The following IQSEC1 variants were observed in gnomAD, a reference collection of about 807,000 sequenced individuals.
IQSEC1 encodes the protein IQ motif and SEC7 domain-containing protein 1.
Under a neutral mutation model 91.0 loss-of-function variants are expected in IQSEC1, and 31 were observed. The ratio of observed to expected loss-of-function variants is 0.34; its 90% CI spans 0.26 to 0.46. IQSEC1 has a LOEUF of 0.46. Among genes scored for constraint, IQSEC1 ranks in the 20% least tolerant of loss-of-function variants. The probability of loss-of-function intolerance (pLI) is 1.00; values close to 1 mark genes in which losing one functional copy is unlikely to be tolerated. For synonymous variants in IQSEC1, 699 were observed against 662.6 expected (o/e 1.05, Z -0.84); for missense variants, 1,388 against 1,575.6 (o/e 0.88, Z 2.02).
At chr3:13,177,403 G>A (rs1693752444) in intron 1 of IQSEC1, among the ~76,000 whole-genome samples, 1 of 152,176 alleles carries the variant, frequency 6.6e-6, no homozygotes, top group African/African-American at 2.4e-5. Context: ...GTGCACAACT[G>A]CCCAGAAAAG....
chr3:13,059,524 G>A (rs1175693575), intron 1 of IQSEC1, among the ~76,000 whole-genome samples: 1 of 152,228 alleles, frequency 6.6e-6, no homozygotes, highest in Non-Finnish European at 1.5e-5. Context: ...TCAGGAGGCT[G>A]AGGCAGGAGG....
At chr3:13,047,615 T>C in intron 1 of IQSEC1, 1 of 589,144 alleles carries the variant, frequency 1.7e-6, no homozygotes, top group Non-Finnish European at 2.1e-6. Flanking sequence ...CAGCAGGTGG[T>C]CCCAGGACAG....
At chr3:13,104,758 A>G (rs1706119439) in intron 2 of IQSEC1, among the ~76,000 whole-genome samples, 1 of 152,046 alleles carries the variant, frequency 6.6e-6, no homozygotes, top group South Asian at 2.1e-4. Context: ...CGCTAACCCA[A>G]CAACCAACTA....
chr3:13,145,894 C>T (rs577823469), intron 2 of IQSEC1, among the ~76,000 whole-genome samples: 13 of 151,222 alleles, frequency 8.6e-5, no homozygotes, highest in Non-Finnish European at 1.9e-4. Context: ...GTGGGGCAGG[C>T]AGGCAACATG....
At chr3:13,194,620 C>T (rs779049099) in intron 1 of IQSEC1, among the ~76,000 whole-genome samples, 2 of 152,138 alleles carry the variant, frequency 1.3e-5, no homozygotes, top group East Asian at 1.9e-4. Flanking sequence ...ACCTATGATC[C>T]GAGTTGGAGG....
chr3:12,949,699 A>G (rs1003700421), intron 1 of IQSEC1, among the ~76,000 whole-genome samples: 1 of 152,134 alleles, frequency 6.6e-6, no homozygotes, highest in Non-Finnish European at 1.5e-5. Context: ...CTTGTTCTGC[A>G]CAGGGCTATC....
At chr3:13,256,784 C>T (rs1157150128) in intron 1 of IQSEC1, among the ~76,000 whole-genome samples, 1 of 152,178 alleles carries the variant, frequency 6.6e-6, no homozygotes, top group Non-Finnish European at 1.5e-5. Context: ...TGGCAAACAC[C>T]ATGGAGAGAC....
rs535545726 is a variant in IQSEC1, at chr3:13,213,275, A to G, written c.273-49142T>C. Among the ~76,000 whole-genome samples the G allele has an allele frequency of 3.0e-4, 45 of 152,386 alleles. 1 individual carries two copies. The highest frequency in any genetic ancestry group is 9.9e-4 in the African/African-American group (41 of 41,592). Reference sequence around the variant, plus strand: ...TTAAAAGTGGATATCTAATTGTGCCAGCAGCATTTGTTGAGGAGGCTGTTC... The same window carrying G: ...TTAAAAGTGGATATCTAATTGTGCCGGCAGCATTTGTTGAGGAGGCTGTTC... On this transcript the variant is annotated intron_variant, in intron 1 of 15. Transcript: ENST00000648114.
intron 1 of IQSEC1, among the ~76,000 whole-genome samples, chr3:13,239,823 C>T (rs555704777): frequency 3.3e-5 from 5 of 152,312 alleles, no homozygotes; most frequent in Admixed American, 6.5e-5. Context: ...GAGGCCCCAG[C>T]GCAGCCAGAT....
intron 1 of IQSEC1, among the ~76,000 whole-genome samples, chr3:12,988,254 A>G (rs995758600): frequency 6.6e-6 from 1 of 152,094 alleles, no homozygotes; most frequent in African/African-American, 2.4e-5. Context: ...TCTCTACTAA[A>G]AATACAAAAA....
At chr3:13,119,459 G>A (rs376644323) in intron 2 of IQSEC1, among the ~76,000 whole-genome samples, 2 of 152,380 alleles carry the variant, frequency 1.3e-5, no homozygotes, top group African/African-American at 4.8e-5. Context: ...ACTGAGCTGA[G>A]ATGACCTGAT....
At chr3:13,167,157 A>T (rs1576279658) in intron 1 of IQSEC1, among the ~76,000 whole-genome samples, 1 of 152,316 alleles carries the variant, frequency 6.6e-6, no homozygotes. Flanking sequence ...AGCATCCTGG[A>T]GCCTTCTCGT....
chr3:12,969,640 T>G (rs12489038), intron 1 of IQSEC1, among the ~76,000 whole-genome samples: 30,876 of 152,074 alleles, frequency 0.2, 4,367 homozygotes, highest in East Asian at 0.75. Context: ...GGAGCCAAAA[T>G]AATTCCCCCA....
intron 1 of IQSEC1, among the ~76,000 whole-genome samples, chr3:12,996,499 A>C (rs1025838732): frequency 3.3e-5 from 5 of 152,216 alleles, no homozygotes; most frequent in Admixed American, 3.3e-4. Flanking sequence ...CACTGTGTAA[A>C]TATTTTCATT....
At chr3:12,906,138 C>T (rs1299804155) in intron 12 of IQSEC1, among the ~76,000 whole-genome samples, 1 of 152,226 alleles carries the variant, frequency 6.6e-6, no homozygotes, top group Non-Finnish European at 1.5e-5. Context: ...GTGGTATGTC[C>T]TCCTTTGGAT....
intron 2 of IQSEC1, among the ~76,000 whole-genome samples, chr3:13,131,064 G>GGAAGGAAGGAAGGAAGGAAGGAAGGAAT: frequency 6.6e-6 from 1 of 151,492 alleles, no homozygotes; most frequent in Admixed American, 6.6e-5. Flanking sequence ...AAGGAAGGAA[G>GGAAGGAAGGAAGGAAGGAAGGAAGGAAT]GAGGGAGGGA....
chr3:12,948,159 T>C (rs1459775214), intron 1 of IQSEC1, among the ~76,000 whole-genome samples: 1 of 152,266 alleles, frequency 6.6e-6, no homozygotes, highest in Non-Finnish European at 1.5e-5. Context: ...CACAGGACTG[T>C]GAAGACTTAG....
In IQSEC1 at chr3:13,207,961, T is replaced by A. The variant is rs528562409; in HGVS notation, c.273-43828A>T. Reference sequence around the variant, plus strand: ...GAACCCCCAGCATGGCACATAGCAGTTGCTCAACAAATGCATCTTGAATGA... The same window carrying A: ...GAACCCCCAGCATGGCACATAGCAGATGCTCAACAAATGCATCTTGAATGA... On this transcript the variant is annotated intron_variant, in intron 1 of 15. Transcript: ENST00000648114. This position sits in a 1 kb window ranked among gnomAD's most constrained non-coding sequence, Gnocchi z 4.8. 2.0e-5 allele frequency among the ~76,000 whole-genome samples: 3 copies of A among 152,176 alleles called. No homozygotes were observed. In the East Asian group the frequency reaches 5.8e-4, roughly 29 times the overall value.
chr3:13,123,317 G>A lies in IQSEC1; in HGVS notation c.302+40787C>T, dbSNP rs530947307. 2.5e-3 allele frequency among the ~76,000 whole-genome samples: 376 copies of A among 152,326 alleles called. 2 individuals are homozygous for A. Among genetic ancestry groups the A allele is most frequent in the African/African-American group, 7.2e-3 (301 of 41,564 alleles). Reference sequence around the variant, plus strand: ...TCAAACCTGTAAATGATGTCTGTGGGAAAGCCTGTCTCTGACATCTTCTAA... The same window carrying A: ...TCAAACCTGTAAATGATGTCTGTGGAAAAGCCTGTCTCTGACATCTTCTAA... On this transcript the variant is annotated intron_variant, in intron 2 of 15. Transcript: ENST00000648114.
Sources: gnomAD v4.1 joint callset for allele counts (sites outside exome capture counted in the v4.1 genomes callset) on GRCh38, gnomAD v4.1.1 for gene constraint, Gnocchi (gnomAD v3.1) non-coding constraint, MANE v1.5 for transcripts, NCBI Gene and HGNC (gene_info 2026-07-23, HGNC 2026-07-21) for gene names.